ACVR2A: variants seen among roughly 807,000 people sequenced by gnomAD.
ACVR2A encodes the protein activin receptor type-2A.
In ACVR2A, 7 loss-of-function variants were observed where a neutral mutation model predicts 61.4. That is an observed-to-expected ratio of 0.11 (90% confidence interval 0.06 to 0.21). The LOEUF (loss-of-function observed/expected upper bound fraction) is 0.21. Among genes scored for constraint, ACVR2A ranks in the 10% least tolerant of loss-of-function variants. The pLI is 1.00. For synonymous variants in ACVR2A, 193 were observed against 208.3 expected, an observed-to-expected ratio of 0.93 and a Z score of 0.63; for missense variants, 322 against 621.7, an observed-to-expected ratio of 0.52 and a Z score of 5.13.
chr2:147,878,999 G>C (rs945422234), intron 1 of ACVR2A, among the ~76,000 whole-genome samples: 5 of 152,124 alleles, frequency 3.3e-5, no homozygotes, highest in African/African-American at 1.2e-4. Context: ...TAAGAGTTTA[G>C]AGAATAGTAT....
At chr2:147,857,823 C>T (rs1425024151) in intron 1 of ACVR2A, among the ~76,000 whole-genome samples, 1 of 148,230 alleles carries the variant, frequency 6.7e-6, no homozygotes, top group Admixed American at 6.7e-5. Context: ...TATATACATG[C>T]GACTTAAAAA....
At chr2:147,902,256 T>C (rs1387505147) in intron 4 of ACVR2A, among the ~76,000 whole-genome samples, 2 of 151,962 alleles carry the variant, frequency 1.3e-5, no homozygotes, top group Non-Finnish European at 2.9e-5. Flanking sequence ...AAAATACTAA[T>C]TTACTTTCAT....
intron 1 of ACVR2A, among the ~76,000 whole-genome samples, chr2:147,876,257 C>CT (rs1232903349): frequency 2.0e-5 from 3 of 152,002 alleles, no homozygotes; most frequent in Admixed American, 2.0e-4. Context: ...ATTTGTCTCA[C>CT]TTTTTTGGCT....
At chr2:147,853,257 ATTCTC>A (rs570544189) in intron 1 of ACVR2A, among the ~76,000 whole-genome samples, 5 of 152,174 alleles carry the variant, frequency 3.3e-5, no homozygotes, top group Non-Finnish European at 5.9e-5. Flanking sequence ...ATAACGTAAT[ATTCTC>A]TTAAAGAGGC....
At chr2:147,878,493 G>C (rs1200553066) in intron 1 of ACVR2A, among the ~76,000 whole-genome samples, 1 of 151,700 alleles carries the variant, frequency 6.6e-6, no homozygotes, top group Non-Finnish European at 1.5e-5. Flanking sequence ...ACTAGATTTA[G>C]ATATTTATCT....
rs1685788018 is a variant in ACVR2A at position 147,863,851 on chromosome 2, TAGGTC to T, written c.55+18647_55+18651del. Among the ~76,000 whole-genome samples the T allele has an allele frequency of 2.0e-5, 3 of 152,318 alleles. No homozygotes were observed. In the South Asian group the frequency reaches 6.2e-4, roughly 32 times the overall value. ...TTATATAGTGAGCCAGAATCAGAAC[TAGGTC>T]AGAATTCATTTGCTCTGATCACCAC... On this transcript the variant is annotated intron_variant, in intron 1 of 10. Coordinates refer to ENST00000241416, the MANE Select transcript of ACVR2A (RefSeq NM_001616.5).
chr2:147,854,416 CA>C (rs1685520134), intron 1 of ACVR2A, among the ~76,000 whole-genome samples: 3 of 152,098 alleles, frequency 2.0e-5, no homozygotes, highest in African/African-American at 7.2e-5. Flanking sequence ...GAAAGATTCT[CA>C]AGTCTGTTTT....
rs1213829293 is a variant in ACVR2A at position 147,928,775 on chromosome 2, A to C, written c.*1501A>C. ...TCAAAACAATATTACGTTAGAATAC[A>C]ATTGGATTCTTCCTCAAATTTATAC... On this transcript the variant is annotated 3_prime_UTR_variant, in exon 11 of 11. Transcript: ENST00000241416. 2 of 152,374 alleles carry C rather than the reference A, an allele frequency of 1.3e-5. No homozygotes were observed. The highest frequency in any genetic ancestry group is 2.9e-5 in the Non-Finnish European group (2 of 67,938). 9.4% of individuals were successfully genotyped at this position (152,374 alleles called of 1,614,324 possible). A position where few individuals can be genotyped will look rare whatever the true frequency, so the allele number is the denominator to read the frequency against.
At chr2:147,922,260 CTAGAG>C (rs913743363) in intron 8 of ACVR2A, among the ~76,000 whole-genome samples, 6 of 152,156 alleles carry the variant, frequency 3.9e-5, no homozygotes, top group African/African-American at 9.6e-5. Flanking sequence ...AACTTTTAGT[CTAGAG>C]TAGAGATTAT....
At chr2:147,920,156 T>C in intron 7 of ACVR2A, 74 bp from the exon 8 acceptor site, 1 of 995,984 alleles carries the variant, frequency 1.0e-6, no homozygotes, top group Non-Finnish European at 1.6e-6. Context: ...ATATTCCCCC[T>C]TTTCTGCTTT....
At chr2:147,852,256 G>T (rs76481255) in intron 1 of ACVR2A, among the ~76,000 whole-genome samples, 1,845 of 152,044 alleles carry the variant, frequency 0.012, 46 homozygotes, top group African/African-American at 0.042. Flanking sequence ...ATATATGTCT[G>T]TGTGCATCAG....
chr2:147,897,513 G>T (rs1419959327), intron 2 of ACVR2A, among the ~76,000 whole-genome samples: 1 of 152,116 alleles, frequency 6.6e-6, no homozygotes. Context: ...TTCTACTGTG[G>T]GTAGGTGCTG....
chr2:147,893,070 ACCT>A (rs1199939192), intron 1 of ACVR2A, among the ~76,000 whole-genome samples: 1 of 151,594 alleles, frequency 6.6e-6, no homozygotes, highest in Non-Finnish European at 1.5e-5. Flanking sequence ...TTTTGTAATC[ACCT>A]CCTTTTCCCT....
At chr2:147,875,480 T>A (rs1028789098) in intron 1 of ACVR2A, among the ~76,000 whole-genome samples, 25 of 151,954 alleles carry the variant, frequency 1.6e-4, no homozygotes, top group African/African-American at 2.2e-4. Flanking sequence ...AATCTCTTTT[T>A]TCCCCTGTGG....
intron 1 of ACVR2A, among the ~76,000 whole-genome samples, chr2:147,891,454 C>T (rs1030585293): frequency 6.6e-6 from 1 of 151,234 alleles, no homozygotes; most frequent in Admixed American, 6.6e-5. Flanking sequence ...TGGCAGACCG[C>T]ACAACCTATG....
At chr2:147,882,960 T>C (rs182642682) in intron 1 of ACVR2A, among the ~76,000 whole-genome samples, 16 of 152,312 alleles carry the variant, frequency 1.1e-4, no homozygotes, top group African/African-American at 2.6e-4. Context: ...GCAGAAATTT[T>C]ATTTGAAAAT....
chr2:147,880,364 G>A (rs1490559090), intron 1 of ACVR2A, among the ~76,000 whole-genome samples: 2 of 151,894 alleles, frequency 1.3e-5, no homozygotes, highest in South Asian at 2.1e-4. Flanking sequence ...TGCCAACTCA[G>A]GATACTTCAA....
intron 5 of ACVR2A, 129 bp downstream of exon 5, chr2:147,915,463 A>G: frequency 1.0e-6 from 1 of 985,174 alleles, no homozygotes; most frequent in Non-Finnish European, 1.5e-6. Flanking sequence ...GAAAGCAGTT[A>G]GCTCTTTTAA....
chr2:147,878,405 T>G (rs747231928), intron 1 of ACVR2A, among the ~76,000 whole-genome samples: 10 of 152,146 alleles, frequency 6.6e-5, no homozygotes, highest in Non-Finnish European at 1.0e-4. Context: ...TTTTTACCTT[T>G]AAAGTGGACA....
Sources: gnomAD v4.1 joint callset for allele counts (sites outside exome capture counted in the v4.1 genomes callset) on GRCh38, gnomAD v4.1.1 for gene constraint, MANE v1.5 for transcripts, NCBI Gene and HGNC (gene_info 2026-07-23, HGNC 2026-07-21) for gene names.